The following LAMA3 variants were observed in gnomAD, a reference collection of about 807,000 sequenced individuals.
LAMA3 encodes laminin subunit alpha-3.
LAMA3 carries 281 observed loss-of-function variants against 402.0 expected under a neutral mutation model. The ratio of observed to expected loss-of-function variants is 0.70; its 90% CI spans 0.63 to 0.77. The LOEUF (loss-of-function observed/expected upper bound fraction) is 0.77. Ranked by LOEUF, LAMA3 falls within the 30% of genes least tolerant of loss-of-function variation. The pLI is 0.00. For synonymous variants in LAMA3, 1,431 were observed against 1,558.4 expected, an observed-to-expected ratio of 0.92 and a Z score of 1.93; for missense variants, 3,840 against 4,215.5, an observed-to-expected ratio of 0.91 and a Z score of 2.47.
rs200269449 is a variant in LAMA3 at position 23,847,586 on chromosome 18, G to T, written c.4054G>T (p.Gly1352Cys). Residue 1352 changes from glycine (G) to cysteine (C), a missense_variant, in exon 32 of 75, where the codon GGC (glycine) becomes TGC (cysteine). Around this residue, in one of 3 missense-constraint regions of LAMA3, gnomAD observed 2,109 missense variants for 2,376.0 expected, o/e 0.89. Transcript: ENST00000313654. ...THSFSFHPMAGCEGCNCSRRG... is the reference protein window; with the variant it reads ...THSFSFHPMACCEGCNCSRRG... ...CTCATTCAGCTTCCACCCCATGGCC[G>T]GCTGCGAAGGCTGCAACTGTTCCAG... 1.2e-4 allele frequency: 196 copies of T among 1,613,980 alleles called. No homozygotes were observed. Among genetic ancestry groups the T allele is most frequent in the Non-Finnish European group, 1.6e-4 (185 of 1,180,052 alleles).
intron 6 of LAMA3, among the ~76,000 whole-genome samples, chr18:23,756,374 TAA>T (rs776442170): frequency 4.4e-5 from 6 of 136,270 alleles, no homozygotes; most frequent in Non-Finnish European, 4.8e-5. Context: ...CTCTCATATT[TAA>T]AAAAAAAAAA....
At chr18:23,783,740 CG>C (rs949291844) in intron 11 of LAMA3, among the ~76,000 whole-genome samples, 5 of 151,750 alleles carry the variant, frequency 3.3e-5, no homozygotes, top group Admixed American at 6.6e-5. Flanking sequence ...TTACAAAGCT[CG>C]GCTTTAGAGG....
chr18:23,730,501 G>A (rs942343951), intron 2 of LAMA3, among the ~76,000 whole-genome samples: 2 of 151,412 alleles, frequency 1.3e-5, no homozygotes, highest in Non-Finnish European at 2.9e-5. Context: ...CTGAGTAGCC[G>A]GGATTACAGG....
chr18:23,859,415 T>C (rs1327026849), intron 34 of LAMA3, among the ~76,000 whole-genome samples: 1 of 152,212 alleles, frequency 6.6e-6, no homozygotes, highest in Non-Finnish European at 1.5e-5. Context: ...TCTTCCAGAC[T>C]GCTCCCACTT....
chr18:23,913,465 C>G (rs2081504978), intron 56 of LAMA3, among the ~76,000 whole-genome samples: 1 of 152,212 alleles, frequency 6.6e-6, no homozygotes, highest in African/African-American at 2.4e-5. Flanking sequence ...ACTACCCATA[C>G]AGGCATTTTG....
intron 1 of LAMA3, among the ~76,000 whole-genome samples, chr18:23,711,328 T>G (rs2060985468): frequency 6.6e-6 from 1 of 152,236 alleles, no homozygotes; most frequent in Non-Finnish European, 1.5e-5. Flanking sequence ...ATATATATAG[T>G]TTTTAGTGCC....
chr18:23,722,898 C>T (rs541006843), intron 2 of LAMA3, among the ~76,000 whole-genome samples: 16 of 152,238 alleles, frequency 1.1e-4, no homozygotes, highest in African/African-American at 3.6e-4. Flanking sequence ...GGATTAAGGC[C>T]ATTGTAAAGT....
chr18:23,934,427 G>A (rs988803305), intron 67 of LAMA3, among the ~76,000 whole-genome samples: 6 of 152,042 alleles, frequency 3.9e-5, no homozygotes, highest in African/African-American at 1.5e-4. Context: ...TCGTGGAGTG[G>A]GTGTCTCAGT....
At chr18:23,718,858 G>A (rs1204628837) in intron 2 of LAMA3, among the ~76,000 whole-genome samples, 1 of 152,220 alleles carries the variant, frequency 6.6e-6, no homozygotes, top group Non-Finnish European at 1.5e-5. Context: ...TCTAAAAGCT[G>A]TGTCTAGAGC....
At chr18:23,884,689 C>T (rs895909583) in intron 40 of LAMA3, 84 bp from the exon 41 acceptor site, 8 of 1,288,654 alleles carry the variant, frequency 6.2e-6, no homozygotes, top group South Asian at 1.2e-5. Flanking sequence ...TCACTTAATA[C>T]AAGCCAGTCC....
chr18:23,709,025 G>T (rs745342810), intron 1 of LAMA3, among the ~76,000 whole-genome samples: 1 of 152,060 alleles, frequency 6.6e-6, no homozygotes, highest in Non-Finnish European at 1.5e-5. Flanking sequence ...AAAGTGCTGG[G>T]ATTACAGGTG....
chr18:23,901,348 C>T, intron 48 of LAMA3, 25 bp downstream of exon 48: 1 of 1,586,166 alleles, frequency 6.3e-7, no homozygotes, highest in African/African-American at 1.3e-5. Context: ...TGAAGTTGCA[C>T]ACTTTCGTTA....
intron 11 of LAMA3, among the ~76,000 whole-genome samples, chr18:23,778,460 C>T (rs2062368464): frequency 6.6e-6 from 1 of 152,128 alleles, no homozygotes; most frequent in Non-Finnish European, 1.5e-5. Flanking sequence ...ACATGGGTGC[C>T]ACTTTTAAGG....
intron 52 of LAMA3, 38 bp downstream of exon 52, chr18:23,905,662 A>C (rs373148184): frequency 8.1e-7 from 1 of 1,228,120 alleles, no homozygotes. Flanking sequence ...GATAGTCAGG[A>C]GCTTTAAATG....
chr18:23,877,744 G>A (rs147425251), intron 39 of LAMA3, among the ~76,000 whole-genome samples: 18 of 152,314 alleles, frequency 1.2e-4, no homozygotes, highest in Non-Finnish European at 2.4e-4. Context: ...TTTCCAGCTC[G>A]TTAGTATTCC....
At chr18:23,764,526 A>G (rs750295250) in intron 8 of LAMA3, among the ~76,000 whole-genome samples, 5 of 151,046 alleles carry the variant, frequency 3.3e-5, no homozygotes, top group African/African-American at 9.7e-5. Context: ...CAGTGATATT[A>G]TGTTTTGTAC....
chr18:23,770,844 C>G (rs1212796988), intron 8 of LAMA3, among the ~76,000 whole-genome samples: 1 of 152,112 alleles, frequency 6.6e-6, no homozygotes, highest in Non-Finnish European at 1.5e-5. Context: ...CAATGACATA[C>G]TACTACATAC....
At chr18:23,760,998 TG>T (rs113733427) in intron 7 of LAMA3, among the ~76,000 whole-genome samples, 5 of 151,102 alleles carry the variant, frequency 3.3e-5, no homozygotes, top group East Asian at 3.9e-4. Flanking sequence ...GAATTTGGGG[TG>T]GGGGGGGCAC....
intron 67 of LAMA3, among the ~76,000 whole-genome samples, chr18:23,935,461 C>T (rs920024253): frequency 4.6e-5 from 7 of 152,142 alleles, no homozygotes; most frequent in Non-Finnish European, 7.3e-5. Context: ...CCCTGTTTTG[C>T]GTAAGCCCCC....
Sources: gnomAD v4.1 joint callset for allele counts (sites outside exome capture counted in the v4.1 genomes callset) on GRCh38, gnomAD v4.1.1 for gene constraint, gnomAD v4.1.1 regional missense constraint, MANE v1.5 for transcripts, NCBI Gene and HGNC (gene_info 2026-07-23, HGNC 2026-07-21) for gene names.